Variants in NTNG1 observed in about 807,000 individuals in gnomAD.
NTNG1 encodes netrin-G1.
In NTNG1, 16 loss-of-function variants were observed where a neutral mutation model predicts 54.0. That is an observed-to-expected ratio of 0.30 (90% confidence interval 0.20 to 0.45). The LOEUF is 0.45. Among genes scored for constraint, NTNG1 ranks in the 20% least tolerant of loss-of-function variants. The pLI is 1.00. For missense variants in NTNG1, 530 were observed against 678.7 expected (o/e 0.78, Z 2.43); for synonymous variants, 255 against 263.1 (o/e 0.97, Z 0.30).
At chr1:107,201,127 T>G (rs1262585247) in intron 2 of NTNG1, among the ~76,000 whole-genome samples, 9 of 151,886 alleles carry the variant, frequency 5.9e-5, no homozygotes, top group Admixed American at 5.9e-4. Context: ...TACCTTTATT[T>G]TTTTAACATT....
At chr1:107,454,546 C>CAAA (rs200990989) in intron 7 of NTNG1, among the ~76,000 whole-genome samples, 2 of 142,506 alleles carry the variant, frequency 1.4e-5, no homozygotes, top group East Asian at 2.0e-4. Context: ...GTCTTTTTAC[C>CAAA]AAAAAAAAAA....
chr1:107,147,441 T>C (rs565559298), intron 1 of NTNG1, among the ~76,000 whole-genome samples: 2 of 151,676 alleles, frequency 1.3e-5, no homozygotes, highest in East Asian at 3.9e-4. Context: ...AAGGAAATTT[T>C]GCTCCTTTGG....
chr1:107,307,650 G>A, intron 2 of NTNG1, among the ~76,000 whole-genome samples: 1 of 152,190 alleles, frequency 6.6e-6, no homozygotes, highest in Middle Eastern at 3.2e-3. Context: ...AAAATTATTT[G>A]TTCCAGTTGT....
At chr1:107,469,227 C>T (rs1246276288) in intron 7 of NTNG1, among the ~76,000 whole-genome samples, 1 of 151,936 alleles carries the variant, frequency 6.6e-6, no homozygotes, top group Admixed American at 6.6e-5. Context: ...TGACTTAATA[C>T]AAGTCACCAT....
intron 2 of NTNG1, among the ~76,000 whole-genome samples, chr1:107,319,073 C>T (rs1667497248): frequency 6.6e-6 from 1 of 152,144 alleles, no homozygotes; most frequent in African/African-American, 2.4e-5. Context: ...ACCTCTGGTA[C>T]TGACTTGTCT....
chr1:107,162,794 C>T (rs1165468325), intron 2 of NTNG1, among the ~76,000 whole-genome samples: 1 of 152,114 alleles, frequency 6.6e-6, no homozygotes, highest in African/African-American at 2.4e-5. Flanking sequence ...CCCAAATTTA[C>T]CGTCTTCATT....
At chr1:107,288,169 C>T (rs1665324205) in intron 2 of NTNG1, among the ~76,000 whole-genome samples, 1 of 152,000 alleles carries the variant, frequency 6.6e-6, no homozygotes, top group Non-Finnish European at 1.5e-5. Context: ...ATAGCATCAA[C>T]AGGGTGGGAT....
intron 2 of NTNG1, among the ~76,000 whole-genome samples, chr1:107,167,839 A>G (rs1655922785): frequency 1.3e-5 from 2 of 151,566 alleles, no homozygotes; most frequent in African/African-American, 4.8e-5. Flanking sequence ...TCATGTGTAT[A>G]TTGTTTGTTA....
chr1:107,360,510 A>G (rs1670198333), intron 3 of NTNG1, among the ~76,000 whole-genome samples: 1 of 152,224 alleles, frequency 6.6e-6, no homozygotes. Flanking sequence ...CAAATTGTTT[A>G]GGTCCTATAG....
At chr1:107,320,193 A>T (rs1667574321) in intron 2 of NTNG1, among the ~76,000 whole-genome samples, 1 of 152,112 alleles carries the variant, frequency 6.6e-6, no homozygotes. Context: ...TAGCTGTTTA[A>T]TTATTTAGGC....
At chr1:107,311,589 T>C (rs1667015234) in intron 2 of NTNG1, among the ~76,000 whole-genome samples, 1 of 152,136 alleles carries the variant, frequency 6.6e-6, no homozygotes, top group Non-Finnish European at 1.5e-5. Flanking sequence ...AAATGGTTAG[T>C]TCTTTAAGCT....
chr1:107,288,208 G>A (rs1216878892), intron 2 of NTNG1, among the ~76,000 whole-genome samples: 1 of 152,110 alleles, frequency 6.6e-6, no homozygotes, highest in Non-Finnish European at 1.5e-5. Flanking sequence ...GTAAAAGCAA[G>A]AGAAAAAATG....
intron 3 of NTNG1, among the ~76,000 whole-genome samples, chr1:107,327,998 A>C (rs1467625306): frequency 2.0e-5 from 3 of 152,144 alleles, no homozygotes; most frequent in African/African-American, 7.2e-5. Flanking sequence ...AATGTGATAC[A>C]TCTGATACCT....
At chr1:107,377,062 G>T (rs555957020) in intron 3 of NTNG1, among the ~76,000 whole-genome samples, 1 of 152,304 alleles carries the variant, frequency 6.6e-6, no homozygotes, top group Non-Finnish European at 1.5e-5. Flanking sequence ...GGGTCCCCCT[G>T]ACTCCTCTTC....
chr1:107,458,882 G>A (rs1246427385), intron 7 of NTNG1, among the ~76,000 whole-genome samples: 2 of 151,970 alleles, frequency 1.3e-5, no homozygotes, highest in Non-Finnish European at 1.5e-5. Flanking sequence ...TTTTCAAATT[G>A]GAAACATTGT....
At chr1:107,442,286 A>C (rs1676012313) in intron 7 of NTNG1, among the ~76,000 whole-genome samples, 1 of 152,160 alleles carries the variant, frequency 6.6e-6, no homozygotes, top group South Asian at 2.1e-4. Flanking sequence ...AGAAAAATTC[A>C]AAATATTCCT....
intron 2 of NTNG1, among the ~76,000 whole-genome samples, chr1:107,215,628 T>C (rs1204545312): frequency 2.0e-5 from 3 of 152,140 alleles, no homozygotes; most frequent in Non-Finnish European, 4.4e-5. Flanking sequence ...TTTGTTGTTG[T>C]TGTTGTTCCA....
chr1:107,434,927 T>C (rs1299485611), intron 6 of NTNG1, among the ~76,000 whole-genome samples: 1 of 152,214 alleles, frequency 6.6e-6, no homozygotes, highest in Non-Finnish European at 1.5e-5. Context: ...TTGTCCTTTA[T>C]TTTCATGACT....
intron 2 of NTNG1, among the ~76,000 whole-genome samples, chr1:107,261,264 TA>T: frequency 6.6e-6 from 1 of 152,168 alleles, no homozygotes; most frequent in East Asian, 1.9e-4. Context: ...TAGTAGGGAA[TA>T]AAGATGTTAC....
Sources: gnomAD v4.1 joint callset for allele counts (sites outside exome capture counted in the v4.1 genomes callset) on GRCh38, gnomAD v4.1.1 for gene constraint, MANE v1.5 for transcripts, NCBI Gene and HGNC (gene_info 2026-07-23, HGNC 2026-07-21) for gene names.